Variants in GALNT2 observed in about 807,000 individuals in gnomAD.
The protein encoded by GALNT2 is polypeptide N-acetylgalactosaminyltransferase 2, also known as UDP-GalNAc:polypeptide N-acetylgalactosaminyltransferase 2.
Under a neutral mutation model 81.4 loss-of-function variants are expected in GALNT2, and 31 were observed. That is an observed-to-expected ratio of 0.38 (90% CI 0.29 to 0.51). The LOEUF is 0.51. Ranked by LOEUF, GALNT2 falls within the 20% of genes least tolerant of loss-of-function variation. The probability of loss-of-function intolerance (pLI) is 0.87; values close to 1 mark genes in which losing one functional copy is unlikely to be tolerated. For missense variants in GALNT2, 629 were observed against 765.7 expected (o/e 0.82, Z 2.11); for synonymous variants, 303 against 287.4 (o/e 1.05, Z -0.55).
At chr1:230,278,805 C>A (rs1299672954) in intron 15 of GALNT2, among the ~76,000 whole-genome samples, 1 of 152,204 alleles carries the variant, frequency 6.6e-6, no homozygotes, top group African/African-American at 2.4e-5. Flanking sequence ...TCCTCTGGCT[C>A]CCCCGAGCAG....
At chr1:230,146,325 A>G (rs1019107856) in intron 1 of GALNT2, among the ~76,000 whole-genome samples, 4 of 152,060 alleles carry the variant, frequency 2.6e-5, no homozygotes, top group African/African-American at 4.8e-5. Flanking sequence ...GCAGCTATTC[A>G]TGTCTTATGT....
chr1:230,157,567 CG>C (rs1662298432), intron 1 of GALNT2, among the ~76,000 whole-genome samples: 1 of 152,172 alleles, frequency 6.6e-6, no homozygotes, highest in Admixed American at 6.5e-5. Flanking sequence ...CTGGAAACTA[CG>C]TAACTGTCCC....
At chr1:230,092,633 C>T (rs183622041) in intron 1 of GALNT2, among the ~76,000 whole-genome samples, 3 of 152,060 alleles carry the variant, frequency 2.0e-5, no homozygotes, top group Admixed American at 6.6e-5. Flanking sequence ...TGTGAGCCAC[C>T]GCACCTGGCC....
At chr1:230,140,843 A>G (rs960066281) in intron 1 of GALNT2, among the ~76,000 whole-genome samples, 6 of 152,196 alleles carry the variant, frequency 3.9e-5, no homozygotes, top group African/African-American at 1.4e-4. Context: ...ATATGCCATT[A>G]TACAACCCAG....
At chr1:230,191,432 A>G (rs1456516912) in intron 2 of GALNT2, among the ~76,000 whole-genome samples, 2 of 152,212 alleles carry the variant, frequency 1.3e-5, no homozygotes, top group South Asian at 4.1e-4. Context: ...CTACCATATA[A>G]AAGAGGCTGA....
upstream of GALNT2, among the ~76,000 whole-genome samples, chr1:230,062,954 C>A (rs990670096): frequency 6.6e-6 from 1 of 151,996 alleles, no homozygotes; most frequent in African/African-American, 2.4e-5. Flanking sequence ...AACAGCAGTG[C>A]GTAAGGGTTC....
At chr1:230,062,591 A>G (rs551670053), upstream of GALNT2, among the ~76,000 whole-genome samples, 114 of 152,344 alleles carry the variant, frequency 7.5e-4, no homozygotes, top group African/African-American at 2.5e-3. Context: ...GGAAACTCAT[A>G]TAAGTGAAAT....
At chr1:230,233,330 T>G (rs973705689) in intron 3 of GALNT2, among the ~76,000 whole-genome samples, 1 of 152,196 alleles carries the variant, frequency 6.6e-6, no homozygotes, top group Non-Finnish European at 1.5e-5. Flanking sequence ...GGGCTTATAT[T>G]AGGGCCAGGC....
Position 230,271,872 on chromosome 1 carries a change from C to T in GALNT2, c.1441-2573C>T, listed in dbSNP as rs1039066301. Among the ~76,000 whole-genome samples the T allele has an allele frequency of 6.6e-6, 1 of 152,252 alleles. No individual in the cohort carries two copies. The highest frequency in any genetic ancestry group is 1.5e-5 in the Non-Finnish European group (1 of 68,034). On this transcript the variant is annotated intron_variant, in intron 14 of 15. Transcript: ENST00000366672. The surrounding 1 kb of genome is among the most constrained non-coding windows in gnomAD (Gnocchi z 4.2). ...CACATGGGCATGATCTCCAGCTCCTCTTCCCTTCCCAGAGGATGGGGTGGC... is the reference window on the plus strand; with the variant it reads ...CACATGGGCATGATCTCCAGCTCCTTTTCCCTTCCCAGAGGATGGGGTGGC...
chr1:230,280,336 T>G lies in GALNT2; in HGVS notation c.*878T>G, dbSNP rs1666403399. Reference sequence around the variant, plus strand: ...GGCGTCAGCCTGAGAGTCCCTACTGTGCGTCAGAATCCACCTTGCGTGCTG... The same window carrying G: ...GGCGTCAGCCTGAGAGTCCCTACTGGGCGTCAGAATCCACCTTGCGTGCTG... On this transcript the variant is annotated 3_prime_UTR_variant, in exon 16 of 16. Transcript: ENST00000366672. The G allele has an allele frequency of 3.6e-6, 1 of 274,840 alleles. No homozygotes were observed. Among genetic ancestry groups the G allele is most frequent in the Admixed American group, 4.3e-5 (1 of 23,276 alleles). The allele number at this position is 274,840 out of a possible 1,614,324, so 17.0% of individuals were successfully genotyped here. A position where few individuals can be genotyped will look rare whatever the true frequency, so the allele number is the denominator to read the frequency against.
At chr1:230,256,336 C>T (rs563114031) in intron 11 of GALNT2, among the ~76,000 whole-genome samples, 1 of 152,060 alleles carries the variant, frequency 6.6e-6, no homozygotes, top group South Asian at 2.1e-4. Context: ...ATCCCAGCTA[C>T]TCGGGAGGCT....
chr1:230,241,471 C>T (rs1428440350), intron 6 of GALNT2, among the ~76,000 whole-genome samples: 1 of 151,230 alleles, frequency 6.6e-6, no homozygotes. Flanking sequence ...TTTGTGACAG[C>T]GTTTCTCTCT....
chr1:230,117,609 G>A (rs1171515025), intron 1 of GALNT2, among the ~76,000 whole-genome samples: 1 of 152,214 alleles, frequency 6.6e-6, no homozygotes, highest in African/African-American at 2.4e-5. Flanking sequence ...CAGCCAGTGA[G>A]TGGGGGAGTC....
At chr1:230,112,204 C>T (rs1392107051) in intron 1 of GALNT2, among the ~76,000 whole-genome samples, 1 of 143,552 alleles carries the variant, frequency 7.0e-6, no homozygotes, top group Admixed American at 7.1e-5. Context: ...CTGCCCAGGA[C>T]TCATGTGTCT....
chr1:230,247,896 G>T (rs1665423706), intron 8 of GALNT2, among the ~76,000 whole-genome samples: 1 of 152,038 alleles, frequency 6.6e-6, no homozygotes, highest in African/African-American at 2.4e-5. Context: ...AAAAACAAAG[G>T]AAAGGTTATG....
intron 1 of GALNT2, among the ~76,000 whole-genome samples, chr1:230,114,296 G>A (rs1451598029): frequency 6.6e-6 from 1 of 152,044 alleles, no homozygotes; most frequent in Non-Finnish European, 1.5e-5. Flanking sequence ...AGTAGCTTCC[G>A]GCCATTCCTT....
intron 1 of GALNT2, among the ~76,000 whole-genome samples, chr1:230,132,093 C>T (rs1275189256): frequency 2.0e-5 from 3 of 152,328 alleles, no homozygotes; most frequent in Non-Finnish European, 4.4e-5. Flanking sequence ...CTTCTCTCTT[C>T]TTCCCCATGC....
At chr1:230,199,189 T>C (rs144999235) in intron 2 of GALNT2, among the ~76,000 whole-genome samples, 1 of 151,130 alleles carries the variant, frequency 6.6e-6, no homozygotes, top group Non-Finnish European at 1.5e-5. Flanking sequence ...AGGCAATATA[T>C]TCAGACGTTT....
chr1:230,120,420 G>T (rs1660980720), intron 1 of GALNT2, among the ~76,000 whole-genome samples: 1 of 152,124 alleles, frequency 6.6e-6, no homozygotes, highest in Non-Finnish European at 1.5e-5. Context: ...GAAGAGGGCA[G>T]TCCCCGCCAA....
Sources: gnomAD v4.1 joint callset for allele counts (sites outside exome capture counted in the v4.1 genomes callset) on GRCh38, gnomAD v4.1.1 for gene constraint, Gnocchi (gnomAD v3.1) non-coding constraint, MANE v1.5 for transcripts, NCBI Gene and HGNC (gene_info 2026-07-23, HGNC 2026-07-21) for gene names.